Variants in RAB3GAP2 observed in about 807,000 individuals in gnomAD.
RAB3GAP2 encodes RAB3 GTPase activating non-catalytic protein subunit 2.
A neutral mutation model predicts 185.3 loss-of-function variants in RAB3GAP2; 87 were observed. The observed-to-expected ratio is 0.47, with a 90% CI of 0.39 to 0.56. RAB3GAP2 has a LOEUF of 0.56. Among genes scored for constraint, RAB3GAP2 ranks in the 20% least tolerant of loss-of-function variants. The pLI, the probability that RAB3GAP2 is intolerant of heterozygous loss-of-function variation, is 0.00. For missense variants in RAB3GAP2, 1,492 were observed against 1,638.2 expected, an observed-to-expected ratio of 0.91 and a Z score of 1.54; for synonymous variants, 554 against 576.1, an observed-to-expected ratio of 0.96 and a Z score of 0.55.
At chr1:220,221,176 C>T (rs926213475) in intron 2 of RAB3GAP2, among the ~76,000 whole-genome samples, 1 of 152,078 alleles carries the variant, frequency 6.6e-6, no homozygotes, top group Non-Finnish European at 1.5e-5. Context: ...GGTTTTATTT[C>T]GAGTTTTTCT....
At chr1:220,164,411 A>G (rs539280134) in intron 27 of RAB3GAP2, among the ~76,000 whole-genome samples, 3 of 149,048 alleles carry the variant, frequency 2.0e-5, no homozygotes. Context: ...CTTTATAAAT[A>G]GCACTTTTCC....
At chr1:220,250,743 G>A (rs897344016) in intron 1 of RAB3GAP2, among the ~76,000 whole-genome samples, 14 of 152,300 alleles carry the variant, frequency 9.2e-5, no homozygotes, top group South Asian at 2.1e-4. Context: ...CTGTTCTCAT[G>A]CTGTTCTCAT....
At chr1:220,254,127 C>A (rs1043266) in intron 1 of RAB3GAP2, 2 of 1,613,774 alleles carry the variant, frequency 1.2e-6, no homozygotes, top group Non-Finnish European at 1.7e-6. Context: ...ATCTTCCTGC[C>A]AAGAAGAATG....
intron 9 of RAB3GAP2, among the ~76,000 whole-genome samples, chr1:220,197,119 CT>C (rs2102872777): frequency 6.6e-6 from 1 of 151,910 alleles, no homozygotes; most frequent in East Asian, 2.0e-4. Context: ...CCCCGAATGG[CT>C]GGGATTACAG....
rs369595057 is a variant in RAB3GAP2 at position 220,191,074 on chromosome 1, T to C, written c.1481A>G (p.His494Arg). 56 of 1,612,964 alleles carry C rather than the reference T, an allele frequency of 3.5e-5. No individual in the cohort carries two copies. Among genetic ancestry groups the C allele is most frequent in the Non-Finnish European group, 4.5e-5 (53 of 1,179,376 alleles). ...GCCAGCATTTGCAGCTTACCTGCAG[T>C]GCTTCCCCACATTGAAAGCTCCTAC... ...PRVGAFNVGK[H>R]CRLLYPGYKI... The change falls in exon 14 of 35, where the codon CAC becomes CGC. Residue 494 changes from histidine to arginine, a missense_variant. Physicochemically the swap from His to Arg is conservative, Grantham distance 29 (BLOSUM62 0). This residue lies in a region of RAB3GAP2 where 681 missense variants were observed against 689.1 expected (regional missense o/e 0.99). Coordinates refer to ENST00000358951, the MANE Select transcript of RAB3GAP2 (RefSeq NM_012414.4).
chr1:220,225,630 G>T (rs1571915730), intron 2 of RAB3GAP2, among the ~76,000 whole-genome samples: 1 of 152,150 alleles, frequency 6.6e-6, no homozygotes, highest in Non-Finnish European at 1.5e-5. Flanking sequence ...GAATCACTAG[G>T]CTAGACTAAG....
At chr1:220,219,376 A>G (rs1039656733) in intron 2 of RAB3GAP2, 2 of 152,274 alleles carry the variant, frequency 1.3e-5, no homozygotes, top group African/African-American at 4.8e-5. Context: ...TCTAAAAAGA[A>G]TAAGTGGATT....
In RAB3GAP2 at chr1:220,249,706, G is replaced by T. The variant is rs565073223; in HGVS notation, c.116-16843C>A. 9.5e-4 allele frequency among the ~76,000 whole-genome samples: 145 copies of T among 152,304 alleles called. 1 individual carries two copies. Among genetic ancestry groups the T allele is most frequent in the African/African-American group, 3.4e-3 (141 of 41,566 alleles). ...AGGCCTAGGAGGAAATAATGGTTTT[G>T]TGGGCCCAGGGCCTTGCAGCTTTGT... On this transcript the variant is annotated intron_variant, in intron 1 of 34. Transcript: ENST00000358951.
Position 220,232,874 on chromosome 1 carries a change from A to G in RAB3GAP2, c.116-11T>C, listed in dbSNP as rs1659527294. 1.2e-6 allele frequency: 2 copies of G among 1,611,116 alleles called. No homozygotes were observed. Among genetic ancestry groups the G allele is most frequent in the Admixed American group, 1.7e-5 (1 of 59,990 alleles). ...AGTCTGTTGATTTACCTGTTTTTAAAAAGATGAACAATGCTTGCATGAAAT... is the reference window on the plus strand; with the variant it reads ...AGTCTGTTGATTTACCTGTTTTTAAGAAGATGAACAATGCTTGCATGAAAT... On this transcript the variant is annotated splice_polypyrimidine_tract_variant and intron_variant, in intron 1 of 34. Transcript: ENST00000358951.
At chr1:220,163,740 C>CATATATATATATAT (rs1274317823) in intron 27 of RAB3GAP2, among the ~76,000 whole-genome samples, 6 of 90,108 alleles carry the variant, frequency 6.7e-5, no homozygotes, top group Non-Finnish European at 6.0e-5. Context: ...TATATAAATA[C>CATATATATATATAT]ATACATATAT....
intron 21 of RAB3GAP2, 148 bp downstream of exon 21, chr1:220,182,109 A>G: frequency 7.8e-7 from 1 of 1,287,024 alleles, no homozygotes; most frequent in South Asian, 1.5e-5. Flanking sequence ...AAATATGGTG[A>G]TTAAAATTTT....
At chr1:220,222,271 C>CT (rs575100755) in intron 2 of RAB3GAP2, among the ~76,000 whole-genome samples, 1 of 151,902 alleles carries the variant, frequency 6.6e-6, no homozygotes, top group Admixed American at 6.5e-5. Context: ...TTCAAACTTT[C>CT]TTTTTTTAGA....
chr1:220,153,463 C>T (rs907222932), intron 32 of RAB3GAP2, 57 bp from the exon 33 acceptor site: 3 of 1,473,740 alleles, frequency 2.0e-6, no homozygotes, highest in African/African-American at 1.4e-5. Flanking sequence ...TTTTAAAATA[C>T]CTAAACCAAG....
At chr1:220,245,192 G>A (rs199655143) in intron 1 of RAB3GAP2, among the ~76,000 whole-genome samples, 5 of 149,772 alleles carry the variant, frequency 3.3e-5, no homozygotes, top group African/African-American at 7.3e-5. Flanking sequence ...GAACAGCTCC[G>A]GTCTACAGCT....
chr1:220,185,155 A>G (rs1048715398), intron 18 of RAB3GAP2, among the ~76,000 whole-genome samples: 8 of 152,184 alleles, frequency 5.3e-5, no homozygotes, highest in Non-Finnish European at 1.2e-4. Flanking sequence ...ATGGTGTTAC[A>G]ACCCCACAGT....
rs1349738473 is a variant in RAB3GAP2 at position 220,202,279 on chromosome 1, C to T, written c.808G>A (p.Val270Ile). The T allele has an allele frequency of 6.2e-6, 10 of 1,613,442 alleles. No individual in the cohort carries two copies. The highest frequency in any genetic ancestry group is 7.6e-6 in the Non-Finnish European group (9 of 1,179,806). Residue 270 changes from valine to isoleucine, a missense_variant, in exon 9 of 35, where the codon GTT becomes ATT. Coordinates refer to ENST00000358951, the MANE Select transcript of RAB3GAP2 (RefSeq NM_012414.4). ...AATTTGAATTAGTAATACTTACCAACACTAGCATGATCAATAATAGTGTCA... is the reference window on the plus strand; with the variant it reads ...AATTTGAATTAGTAATACTTACCAATACTAGCATGATCAATAATAGTGTCA... ...DIDTIIDHAS[V>I]GIMTLSPFDQ...
chr1:220,164,472 TG>T (rs566360706), intron 27 of RAB3GAP2, among the ~76,000 whole-genome samples: 84 of 137,398 alleles, frequency 6.1e-4, no homozygotes, highest in Admixed American at 1.7e-3. Flanking sequence ...TTTTTTGTTT[TG>T]TTTTTTTTTT....
At chr1:220,214,039 T>A in intron 2 of RAB3GAP2, 60 bp from the exon 3 acceptor site, 1 of 1,559,462 alleles carries the variant, frequency 6.4e-7, no homozygotes, top group South Asian at 1.1e-5. Flanking sequence ...CAAACTCAGC[T>A]TGCCTGTCTC....
In RAB3GAP2 at chr1:220,189,694, T is replaced by A; in HGVS notation, c.1779+9A>T. ...CTAGCAGGAAAGTTCGTGTATTATA[T>A]ACACTTACTTGTTTTTTGGTTGCAG... On this transcript the variant is annotated intron_variant, in intron 17 of 34. Transcript: ENST00000358951. 1.3e-6 allele frequency: 2 copies of A among 1,560,752 alleles called. No individual in the cohort carries two copies. Among genetic ancestry groups the A allele is most frequent in the Non-Finnish European group, 8.8e-7 (1 of 1,141,434 alleles).
Sources: allele counts gnomAD v4.1 joint callset (sites outside exome capture counted in the v4.1 genomes callset), GRCh38; gene constraint gnomAD v4.1.1; regional missense constraint gnomAD v4.1.1; transcripts MANE v1.5; gene names NCBI Gene and HGNC (gene_info 2026-07-23, HGNC 2026-07-21).